The following YIF1B variants were observed in gnomAD, a reference collection of about 807,000 sequenced individuals.
The protein encoded by YIF1B is Yip1 interacting factor homolog B, membrane trafficking protein.
YIF1B carries 24 observed loss-of-function variants against 34.6 expected under a neutral mutation model. The ratio of observed to expected loss-of-function variants is 0.69; its 90% CI spans 0.50 to 0.98. YIF1B has a LOEUF of 0.98. Ranked by LOEUF, YIF1B falls within the 50% of genes least tolerant of loss-of-function variation. YIF1B has a pLI of 0.00. For synonymous variants in YIF1B, 186 were observed against 184.8 expected, an observed-to-expected ratio of 1.01 and a Z score of -0.05; for missense variants, 368 against 429.4, an observed-to-expected ratio of 0.86 and a Z score of 1.26.
chr19:38,304,881 C>G lies in YIF1B; in HGVS notation c.*471G>C. 1 of 1,613,374 alleles carries G rather than the reference C, an allele frequency of 6.2e-7. No individual in the cohort carries two copies. The highest frequency in any genetic ancestry group is 8.5e-7 in the Non-Finnish European group (1 of 1,179,912). Reference sequence around the variant, plus strand: ...TGGCTCCAAGCAGCACGAGAGCATCCCGGGCAAGGCCAAGAAGCCCAAAGT... The same window carrying G: ...TGGCTCCAAGCAGCACGAGAGCATCGCGGGCAAGGCCAAGAAGCCCAAAGT... On this transcript the variant is annotated 3_prime_UTR_variant, in exon 8 of 8. Coordinates refer to ENST00000339413, the MANE Select transcript of YIF1B (RefSeq NM_001039672.3).
intron 5 of YIF1B, among the ~76,000 whole-genome samples, chr19:38,308,281 G>A (rs928372484): frequency 1.2e-4 from 18 of 152,086 alleles, no homozygotes; most frequent in African/African-American, 4.1e-4. Context: ...CACGCTCCTG[G>A]GCAGAGGGGA....
chr19:38,309,607 A>G lies in YIF1B; in HGVS notation c.95T>C (p.Met32Thr). Residue 32 changes from methionine (M) to threonine (T), a missense_variant, in exon 2 of 8, where the codon ATG becomes ACG. This residue lies in a region of YIF1B where 153 missense variants were observed against 156.7 expected (regional missense o/e 0.98). Coordinates refer to ENST00000339413, the MANE Select transcript of YIF1B (RefSeq NM_001039672.3). ...ATCGAAAAGCTGGTGGGGGTCGGCC[A>G]TGCCCGGCTGGGACACAGGGATCCT... ...KRRIPVSQPG[M>T]ADPHQLFDDT... is the part of the protein sequence containing the mutation. 2.5e-6 allele frequency: 4 copies of G among 1,599,694 alleles called. No individual in the cohort carries two copies. The highest frequency in any genetic ancestry group is 3.4e-6 in the Non-Finnish European group (4 of 1,173,816).
intron 7 of YIF1B, 106 bp from the exon 8 acceptor site, chr19:38,305,613 G>C: frequency 7.0e-7 from 1 of 1,420,646 alleles, no homozygotes; most frequent in East Asian, 2.5e-5. Context: ...GCCCCAGGCA[G>C]CTGGGGACAA....
chr19:38,315,623 G>A lies in YIF1B; in HGVS notation c.58+237C>T, dbSNP rs1454971445. On this transcript the variant is annotated intron_variant, in intron 1 of 7. Transcript: ENST00000339413. Reference sequence around the variant, plus strand: ...GATCGCTAACTGCAAATGAATGAAAGTTGCATTTCTCTGCATATCGCACGC... The same window carrying A: ...GATCGCTAACTGCAAATGAATGAAAATTGCATTTCTCTGCATATCGCACGC... 1.9e-6 allele frequency: 3 copies of A among 1,539,736 alleles called. No homozygotes were observed. The East Asian group carries it at 7.3e-5, about 38-fold the overall frequency.
intron 1 of YIF1B, among the ~76,000 whole-genome samples, chr19:38,310,381 A>G (rs1969280943): frequency 6.7e-6 from 1 of 149,580 alleles, no homozygotes; most frequent in South Asian, 2.1e-4. Context: ...CCATCCACTG[A>G]TGCATTTATC....
chr19:38,309,477 G>A lies in YIF1B; in HGVS notation c.225C>T (p.Asp75=). Residue 75 remains aspartate (D), a synonymous_variant, in exon 2 of 8, where the codon GAC becomes GAT. Coordinates refer to ENST00000339413, the MANE Select transcript of YIF1B (RefSeq NM_001039672.3). ...SPTPHAAFLA[D]PVSNMAMAYG... ...AGGCCATGGCCATGTTGGACACCGG[G>A]TCAGCCAGGAAGGCTGCATGGGGCG... 1 of 1,613,962 alleles carries A rather than the reference G, an allele frequency of 6.2e-7. No individual in the cohort carries two copies. Among genetic ancestry groups the A allele is most frequent in the Non-Finnish European group, 8.5e-7 (1 of 1,179,970 alleles).
upstream of YIF1B, chr19:38,319,899 G>A (rs1267540531): frequency 4.4e-6 from 6 of 1,362,118 alleles, no homozygotes; most frequent in East Asian, 1.8e-4. Context: ...GTCCGGAGGC[G>A]GGGGCCACGT....
intron 7 of YIF1B, among the ~76,000 whole-genome samples, chr19:38,306,008 C>T (rs1031511183): frequency 3.3e-5 from 5 of 152,004 alleles, no homozygotes; most frequent in Admixed American, 6.5e-5. Context: ...TTGAGACCAT[C>T]CTGGCCAACA....
upstream of YIF1B, chr19:38,317,300 C>T (rs921386541): frequency 1.3e-5 from 2 of 152,296 alleles, no homozygotes; most frequent in African/African-American, 2.4e-5. Flanking sequence ...ATAGCGCATC[C>T]GGAAGGATGT....
chr19:38,307,955 G>T (rs772262746), intron 5 of YIF1B, among the ~76,000 whole-genome samples: 3 of 152,218 alleles, frequency 2.0e-5, no homozygotes, highest in Non-Finnish European at 4.4e-5. Flanking sequence ...GAGCAGGCAG[G>T]GCTGGAGTCA....
intron 7 of YIF1B, among the ~76,000 whole-genome samples, chr19:38,306,301 T>C (rs1969033251): frequency 7.1e-6 from 1 of 140,906 alleles, no homozygotes. Flanking sequence ...AGCCTCAACC[T>C]CCCAGACTCA....
chr19:38,319,173 T>C (rs920150523), upstream of YIF1B, among the ~76,000 whole-genome samples: 1 of 152,030 alleles, frequency 6.6e-6, no homozygotes, highest in Non-Finnish European at 1.5e-5. Context: ...CATAGCTCAC[T>C]GCAGCCTCGA....
Position 38,304,372 on chromosome 19 carries a change from C to T in YIF1B, c.*980G>A, listed in dbSNP as rs201946524. On this transcript the variant is annotated 3_prime_UTR_variant, in exon 8 of 8. Coordinates refer to ENST00000339413, the MANE Select transcript of YIF1B (RefSeq NM_001039672.3). ...GCACCAACCACCCAACTTCTCTCCA[C>T]AGCCCTGGAGCCCACCTCCCAGAAG... 6.3e-7 allele frequency: 1 copy of T among 1,592,050 alleles called. No individual in the cohort carries two copies. The highest frequency in any genetic ancestry group is 2.3e-5 in the East Asian group (1 of 44,152).
Position 38,305,554 on chromosome 19 carries a change from C to G in YIF1B, c.790-47G>C, listed in dbSNP as rs1471217238. The G allele has an allele frequency of 1.9e-6, 3 of 1,561,246 alleles. No individual in the cohort carries two copies. The Admixed American group carries it at 5.4e-5, about 28-fold the overall frequency. ...GAACCAAGGGATTTACCCTTGAGCC[C>G]TCTGGGCCAGAGTGAGAGCCCGGAC... On this transcript the variant is annotated intron_variant, in intron 7 of 7. Coordinates refer to ENST00000339413, the MANE Select transcript of YIF1B (RefSeq NM_001039672.3).
At chr19:38,320,264 C>T (rs201520164), upstream of YIF1B, 2,118 of 1,606,056 alleles carry the variant, frequency 1.3e-3, 38 homozygotes, top group South Asian at 0.019. Flanking sequence ...ACGCTGATCA[C>T]CACCGTGGGT....
intron 7 of YIF1B, 199 bp downstream of exon 7, chr19:38,307,229 T>C (rs971218389): frequency 3.3e-6 from 2 of 606,170 alleles, no homozygotes; most frequent in South Asian, 3.9e-5. Flanking sequence ...GCCTGGCTGG[T>C]GTCTCCTCTT....
upstream of YIF1B, chr19:38,317,399 G>A (rs894932767): frequency 6.6e-6 from 1 of 152,290 alleles, no homozygotes; most frequent in Non-Finnish European, 1.5e-5. Context: ...TGGTTTCTCA[G>A]TGATGAGTGC....
intron 7 of YIF1B, among the ~76,000 whole-genome samples, chr19:38,305,999 T>A (rs1238277394): frequency 6.6e-6 from 1 of 151,910 alleles, no homozygotes; most frequent in Non-Finnish European, 1.5e-5. Context: ...GTCAGGAGAT[T>A]GAGACCATCC....
chr19:38,312,741 TCC>T (rs1969373401), intron 1 of YIF1B, among the ~76,000 whole-genome samples: 1 of 152,194 alleles, frequency 6.6e-6, no homozygotes, highest in Non-Finnish European at 1.5e-5. Context: ...GAGTTAACTG[TCC>T]CACCTTGCAG....
Sources: allele counts gnomAD v4.1 joint callset (sites outside exome capture counted in the v4.1 genomes callset), GRCh38; gene constraint gnomAD v4.1.1; regional missense constraint gnomAD v4.1.1; transcripts MANE v1.5; gene names NCBI Gene and HGNC (gene_info 2026-07-23, HGNC 2026-07-21).